The following RHOBTB1 variants were observed in gnomAD, a reference collection of about 807,000 sequenced individuals.
RHOBTB1 encodes the protein Rho related BTB domain containing 1.
A neutral mutation model predicts 71.6 loss-of-function variants in RHOBTB1; 40 were observed. That is an observed-to-expected ratio of 0.56 (90% CI 0.43 to 0.73). The LOEUF (loss-of-function observed/expected upper bound fraction) is 0.73, where lower values mean the gene tolerates loss of function less well. Ranked by LOEUF, RHOBTB1 falls within the 30% of genes least tolerant of loss-of-function variation. The probability of loss-of-function intolerance (pLI) is 0.00; values close to 1 mark genes in which losing one functional copy is unlikely to be tolerated. For missense variants in RHOBTB1, 797 were observed against 894.0 expected, an observed-to-expected ratio of 0.89 and a Z score of 1.38; for synonymous variants, 319 against 334.9, an observed-to-expected ratio of 0.95 and a Z score of 0.52.
At chr10:60,885,868 T>C (rs924718527) in intron 7 of RHOBTB1, among the ~76,000 whole-genome samples, 1 of 152,116 alleles carries the variant, frequency 6.6e-6, no homozygotes, top group Non-Finnish European at 1.5e-5. Flanking sequence ...AGCACCCAGG[T>C]GCCCCCACAC....
chr10:60,965,791 T>C lies in RHOBTB1; in HGVS notation c.-62+20054A>G, dbSNP rs906064815. On this transcript the variant is annotated intron_variant, in intron 2 of 11. Transcript: ENST00000357917. ...GACAAGTGTTTTTATGATGGTAACC[T>C]CTAACCATCCATCCTAGAATTCATT... Among the ~76,000 whole-genome samples the C allele has an allele frequency of 2.6e-5, 4 of 152,288 alleles. No individual in the cohort carries two copies. In the East Asian group the frequency reaches 7.7e-4, roughly 29 times the overall value.
intron 1 of RHOBTB1, among the ~76,000 whole-genome samples, chr10:60,991,664 C>A (rs1162729631): frequency 6.6e-6 from 1 of 152,176 alleles, no homozygotes; most frequent in Non-Finnish European, 1.5e-5. Flanking sequence ...AACTCCTGAC[C>A]TTGTGATCCA....
chr10:60,981,144 T>C (rs12415189), intron 2 of RHOBTB1, among the ~76,000 whole-genome samples: 78,227 of 151,562 alleles, frequency 0.52, 20,479 homozygotes, highest in East Asian at 0.77. Context: ...TTTTTGTTTA[T>C]TGAGGTAACA....
chr10:60,913,154 C>T (rs768671236), intron 2 of RHOBTB1, among the ~76,000 whole-genome samples: 5 of 152,180 alleles, frequency 3.3e-5, no homozygotes, highest in Non-Finnish European at 7.3e-5. Context: ...AATTCTTTTT[C>T]ACAGTTAGGA....
chr10:60,862,238 C>T, the RHOBTB1 span, among the ~76,000 whole-genome samples: 1 of 150,414 alleles, frequency 6.6e-6, no homozygotes, highest in South Asian at 2.1e-4. Context: ...CACCCTTTTA[C>T]CCAGGCTGGA....
intron 1 of RHOBTB1, among the ~76,000 whole-genome samples, chr10:60,992,009 C>G: frequency 6.6e-6 from 1 of 152,088 alleles, no homozygotes; most frequent in African/African-American, 2.4e-5. Flanking sequence ...AGTAGATTAT[C>G]AATAAAGACA....
chr10:60,905,183 G>T (rs945221851), intron 4 of RHOBTB1, among the ~76,000 whole-genome samples: 9 of 151,600 alleles, frequency 5.9e-5, no homozygotes, highest in African/African-American at 2.2e-4. Context: ...GGGCATGGTA[G>T]CTCATGCCTG....
At chr10:60,952,204 T>C (rs2085436208) in intron 2 of RHOBTB1, among the ~76,000 whole-genome samples, 1 of 152,312 alleles carries the variant, frequency 6.6e-6, no homozygotes, top group African/African-American at 2.4e-5. Context: ...TTTAAAACTG[T>C]CTTTTATGGT....
At chr10:60,973,385 C>T (rs917469886) in intron 2 of RHOBTB1, among the ~76,000 whole-genome samples, 1 of 152,052 alleles carries the variant, frequency 6.6e-6, no homozygotes, top group African/African-American at 2.4e-5. Flanking sequence ...AGAGAGAAAA[C>T]TGTCCATCGT....
At chr10:60,957,749 TG>T (rs1565134318) in intron 2 of RHOBTB1, among the ~76,000 whole-genome samples, 1 of 152,192 alleles carries the variant, frequency 6.6e-6, no homozygotes, top group African/African-American at 2.4e-5. Flanking sequence ...ACTTGTCCAA[TG>T]GTAATGATAT....
At chr10:60,932,181 T>C (rs2084293409) in intron 2 of RHOBTB1, among the ~76,000 whole-genome samples, 3 of 152,160 alleles carry the variant, frequency 2.0e-5, no homozygotes, top group Admixed American at 2.0e-4. Context: ...TTTAACATTG[T>C]AATCTTTACT....
At chr10:60,921,878 C>T (rs926797201) in intron 2 of RHOBTB1, among the ~76,000 whole-genome samples, 3 of 152,172 alleles carry the variant, frequency 2.0e-5, no homozygotes, top group Non-Finnish European at 4.4e-5. Context: ...ATTGCACCAA[C>T]CATTGCTCCC....
At chr10:60,873,265 T>C (rs918068985) in intron 9 of RHOBTB1, among the ~76,000 whole-genome samples, 4 of 152,226 alleles carry the variant, frequency 2.6e-5, no homozygotes, top group African/African-American at 9.6e-5. Context: ...GAACCAATTG[T>C]GTGCATTTCT....
chr10:60,865,146 G>C (rs550908716), downstream of RHOBTB1, among the ~76,000 whole-genome samples: 28 of 152,258 alleles, frequency 1.8e-4, no homozygotes, highest in Admixed American at 1.7e-3. Flanking sequence ...CATGCTCTGT[G>C]GGGGGACAGG....
rs2081561521 is a variant in RHOBTB1, at chr10:60,886,150, T to C, written c.1537A>G (p.Met513Val). 4.3e-6 allele frequency: 7 copies of C among 1,614,112 alleles called. No individual in the cohort carries two copies. Among genetic ancestry groups the C allele is most frequent in the South Asian group, 1.1e-5 (1 of 91,086 alleles). Reference protein sequence around the residue: ...LICSCEWMAAMFGGSFVESAN... With the variant: ...LICSCEWMAAVFGGSFVESAN... ...CTTTCCACAAATGACCCCCCGAACA[T>C]GGCTGCCATCCACTCACAGCTACAG... The change falls in exon 7 of 11, where the codon ATG becomes GTG. Residue 513 changes from methionine to valine, a missense_variant. Physicochemically the swap from Met to Val is conservative, Grantham distance 21. Transcript: ENST00000337910.
intron 1 of RHOBTB1, among the ~76,000 whole-genome samples, chr10:60,987,319 T>C (rs1377961630): frequency 1.3e-5 from 2 of 152,174 alleles, no homozygotes; most frequent in Non-Finnish European, 2.9e-5. Context: ...TATTCATATC[T>C]AGAGCTTAAA....
intron 2 of RHOBTB1, among the ~76,000 whole-genome samples, chr10:60,935,918 G>T (rs1426472937): frequency 6.6e-6 from 1 of 152,098 alleles, no homozygotes; most frequent in Non-Finnish European, 1.5e-5. Flanking sequence ...ATTGGCCATG[G>T]TGGGAATATT....
chr10:60,951,204 G>C (rs2085397468), intron 2 of RHOBTB1, among the ~76,000 whole-genome samples: 1 of 152,092 alleles, frequency 6.6e-6, no homozygotes, highest in Non-Finnish European at 1.5e-5. Context: ...CTTGTATATA[G>C]ATACCACTTC....
chr10:60,874,282 G>T (rs964984238), intron 9 of RHOBTB1, among the ~76,000 whole-genome samples: 1 of 152,186 alleles, frequency 6.6e-6, no homozygotes, highest in African/African-American at 2.4e-5. Context: ...GCCTGGCATT[G>T]TAAGAGGGCT....
Sources: allele counts gnomAD v4.1 joint callset (sites outside exome capture counted in the v4.1 genomes callset), GRCh38; gene constraint gnomAD v4.1.1; transcripts MANE v1.5; gene names NCBI Gene and HGNC (gene_info 2026-07-23, HGNC 2026-07-21).